PRR36: variants seen among roughly 807,000 people sequenced by gnomAD.
PRR36 encodes proline rich 36, also known as proline-rich protein 36.
PRR36 carries 30 observed loss-of-function variants against 58.6 expected under a neutral mutation model. The ratio of observed to expected loss-of-function variants is 0.51; its 90% confidence interval spans 0.38 to 0.69. PRR36 has a LOEUF of 0.69. Ranked by LOEUF, PRR36 falls within the 30% of genes least tolerant of loss-of-function variation. The pLI is 0.00. For synonymous variants in PRR36, 771 were observed against 829.3 expected (o/e 0.93, Z 1.21); for missense variants, 1,692 against 1,805.6 (o/e 0.94, Z 1.14).
In PRR36 at chr19:7,871,560, G is replaced by T; in HGVS notation, c.1684C>A (p.Pro562Thr). 6.5e-7 allele frequency: 1 copy of T among 1,535,476 alleles called. No homozygotes were observed. The highest frequency in any genetic ancestry group is 8.7e-7 in the Non-Finnish European group (1 of 1,146,746). Residue 562 changes from proline (P) to threonine (T), a missense_variant, in exon 5 of 6, where the codon CCG becomes ACG. Pro to Thr is a conservative substitution (Grantham distance 38, BLOSUM62 -1). Around this residue, in one of 5 missense-constraint regions of PRR36, gnomAD observed 975 missense variants for 955.2 expected, o/e 1.02. Coordinates refer to ENST00000618550, the MANE Select transcript of PRR36 (RefSeq NM_001190467.2). ...SLLASPPLQAPPHPQAPPSMT... is the reference protein window; with the variant it reads ...SLLASPPLQATPHPQAPPSMT... ...GAAGGTGGGGCCTGTGGGTGGGGCG[G>T]AGCCTGCAGAGGCGGTGAGGCCAAA...
rs1980229586 is a variant in PRR36, at chr19:7,868,898, G to T, written c.*135C>A. The T allele has an allele frequency of 9.2e-7, 1 of 1,086,374 alleles. No individual in the cohort carries two copies. Among genetic ancestry groups the T allele is most frequent in the Non-Finnish European group, 1.3e-6 (1 of 796,548 alleles). The allele number at this position is 1,086,374 out of a possible 1,614,324, so 67.3% of individuals were successfully genotyped here. The stretch of plus-strand genomic sequence containing the variant: ...CCGAGCCTCCGAGGCCAAAGGCTCA[G>T]GCTCTAGGGAGCTAAGACTAATCCA... On this transcript the variant is annotated 3_prime_UTR_variant, in exon 6 of 6. Transcript: ENST00000618550.
chr19:7,873,368 T>A lies in PRR36; in HGVS notation c.271+51A>T, dbSNP rs1309306338. On this transcript the variant is annotated intron_variant, in intron 2 of 5. Transcript: ENST00000618550. The surrounding 1 kb of genome is among the most constrained non-coding windows in gnomAD (Gnocchi z 5.0). Reference sequence around the variant, plus strand: ...AGTGGAGGTGAGACTGGACAGGTATTGGAAGGGGGAGGGAAGATGGGGGCG... The same window carrying A: ...AGTGGAGGTGAGACTGGACAGGTATAGGAAGGGGGAGGGAAGATGGGGGCG... The A allele has an allele frequency of 2.0e-6, 3 of 1,515,248 alleles. No individual in the cohort carries two copies. The highest frequency in any genetic ancestry group is 2.6e-6 in the Non-Finnish European group (3 of 1,134,888). The allele number at this position is 1,515,248 out of a possible 1,614,324, so 93.9% of individuals were successfully genotyped here.
At position 7,872,332 on chromosome 19, in the gene PRR36, C is replaced by G; in HGVS notation, c.912G>C (p.Leu304Phe). ...TGGTACCCGATGGAGAGGGTGTGGCCAAAGGAGAGGAAGAAAGCGGTCCTA... is the reference window on the plus strand; with the variant it reads ...TGGTACCCGATGGAGAGGGTGTGGCGAAAGGAGAGGAAGAAAGCGGTCCTA... ...PALGPLSSSP[L>F]ATPSPSGTKA... The change falls in exon 5 of 6, where the codon TTG becomes TTC. Residue 304 changes from leucine (L) to phenylalanine (F), a missense_variant. Leu to Phe is a conservative substitution (Grantham distance 22). Transcript: ENST00000618550. The surrounding 1 kb of genome is among the most constrained non-coding windows in gnomAD (Gnocchi z 6.1). 6.9e-7 allele frequency: 1 copy of G among 1,453,870 alleles called. No individual in the cohort carries two copies. Among genetic ancestry groups the G allele is most frequent in the Non-Finnish European group, 9.0e-7 (1 of 1,109,600 alleles). The allele number at this position is 1,453,870 out of a possible 1,614,324, so 90.1% of individuals were successfully genotyped here. A position where few individuals can be genotyped will look rare whatever the true frequency, so the allele number is the denominator to read the frequency against.
rs1568251596 is a variant in PRR36, at chr19:7,870,716, G to C, written c.2528C>G (p.Ala843Gly). The C allele has an allele frequency of 1.5e-6, 2 of 1,368,880 alleles. No individual in the cohort carries two copies. Among genetic ancestry groups the C allele is most frequent in the Non-Finnish European group, 1.9e-6 (2 of 1,061,212 alleles). The allele number at this position is 1,368,880 out of a possible 1,614,324, so 84.8% of individuals were successfully genotyped here. The change falls in exon 5 of 6, where the codon GCC becomes GGC. Residue 843 changes from alanine to glycine, a missense_variant. Transcript: ENST00000618550. ...LSPLATPPPQ[A>G]PPALALPPLQ... ...AGGAGGCAAGGCCAGGGCAGGTGGG[G>C]CCTGTGGAGGGGGCGTGGCCAAAGG...
rs1309180475 is a variant in PRR36, at chr19:7,871,224, G to A, written c.2020C>T (p.Pro674Ser). The A allele has an allele frequency of 3.9e-6, 6 of 1,534,118 alleles. No homozygotes were observed. The highest frequency in any genetic ancestry group is 5.2e-6 in the Non-Finnish European group (6 of 1,146,314). ...GGTGAGCTTAGGGGTGAGACAGCAG[G>A]AGAGAGAGAAGTCTGCAGAGGGGGT... ...ASPPLQTSLS[P>S]AVSPLSSPLT... Residue 674 changes from proline to serine, a missense_variant, in exon 5 of 6, where the codon CCT becomes TCT. Around this residue, in one of 5 missense-constraint regions of PRR36, gnomAD observed 975 missense variants for 955.2 expected, o/e 1.02. Transcript: ENST00000618550.
Position 7,873,758 on chromosome 19 carries a change from G to A in PRR36, c.-7-62C>T, listed in dbSNP as rs926393230. 8.2e-6 allele frequency: 12 copies of A among 1,461,780 alleles called. No individual in the cohort carries two copies. In the Admixed American group the frequency reaches 2.0e-4, roughly 24 times the overall value. 90.6% of individuals were successfully genotyped at this position (1,461,780 alleles called of 1,614,324 possible). On this transcript the variant is annotated intron_variant, in intron 1 of 5. Transcript: ENST00000618550. This position sits in a 1 kb window ranked among gnomAD's most constrained non-coding sequence, Gnocchi z 5.0. ...ACAGCTACGCCGCCTCCAGAGACCT[G>A]GACCCTGCTACCTCACTGCCCTTTC...
chr19:7,870,616 A>G lies in PRR36; in HGVS notation c.2628T>C (p.Asn876=). 2 of 1,072,080 alleles carry G rather than the reference A, an allele frequency of 1.9e-6. No homozygotes were observed. Among genetic ancestry groups the G allele is most frequent in the Non-Finnish European group, 2.3e-6 (2 of 886,760 alleles). The allele number at this position is 1,072,080 out of a possible 1,614,324, so 66.4% of individuals were successfully genotyped here. ...CCTGCAGAAGGTGCACTGCCAGAGCATTTGGGGCCTGTGGAGAGGGTGTGG... is the reference window on the plus strand; with the variant it reads ...CCTGCAGAAGGTGCACTGCCAGAGCGTTTGGGGCCTGTGGAGAGGGTGTGG... ...PLATPSPQAP[N]ALAVHLLQAP... is the part of the protein sequence containing the mutation. Residue 876 remains asparagine (N), a synonymous_variant, in exon 5 of 6, where the codon AAT becomes AAC. Coordinates refer to ENST00000618550, the MANE Select transcript of PRR36 (RefSeq NM_001190467.2).
chr19:7,868,978 G>A lies in PRR36; in HGVS notation c.*55C>T, dbSNP rs1446868518. 4.1e-6 allele frequency: 6 copies of A among 1,454,112 alleles called. No homozygotes were observed. The East Asian group carries it at 8.1e-5, about 20-fold the overall frequency. The allele number at this position is 1,454,112 out of a possible 1,614,324, so 90.1% of individuals were successfully genotyped here. On this transcript the variant is annotated 3_prime_UTR_variant, in exon 6 of 6. Transcript: ENST00000618550. ...GGGTCTAAAACAAACGGCGTACCCGGAGGGGCGGATCCTAAGGCAGGGGTG... is the reference window on the plus strand; with the variant it reads ...GGGTCTAAAACAAACGGCGTACCCGAAGGGGCGGATCCTAAGGCAGGGGTG...
intron 5 of PRR36, 67 bp downstream of exon 5, chr19:7,869,648 C>T (rs1024627387): frequency 1.4e-6 from 2 of 1,403,468 alleles, no homozygotes; most frequent in Non-Finnish European, 1.9e-6. Context: ...AGCTGTCCCG[C>T]CCCTGAGCTG....
Position 7,873,749 on chromosome 19 carries a change from C to A in PRR36, c.-7-53G>T, listed in dbSNP as rs1332792975. On this transcript the variant is annotated intron_variant, in intron 1 of 5. Coordinates refer to ENST00000618550, the MANE Select transcript of PRR36 (RefSeq NM_001190467.2). The surrounding 1 kb of genome is among the most constrained non-coding windows in gnomAD (Gnocchi z 5.0). ...AGGTTCTGGACAGCTACGCCGCCTC[C>A]AGAGACCTGGACCCTGCTACCTCAC... The A allele has an allele frequency of 2.0e-6, 3 of 1,494,218 alleles. No individual in the cohort carries two copies. The highest frequency in any genetic ancestry group is 2.8e-5 in the African/African-American group (2 of 71,824). The allele number at this position is 1,494,218 out of a possible 1,614,324, so 92.6% of individuals were successfully genotyped here.
chr19:7,869,583 A>G, intron 5 of PRR36, 39 bp from the exon 6 acceptor site: 1 of 1,504,718 alleles, frequency 6.6e-7, no homozygotes, highest in Non-Finnish European at 8.8e-7. Flanking sequence ...GGGGGTGATA[A>G]GCCCCGCCCC....
chr19:7,872,189 G>A lies in PRR36; in HGVS notation c.1055C>T (p.Thr352Ile), dbSNP rs1427382883. Residue 352 changes from threonine (T) to isoleucine (I), a missense_variant, in exon 5 of 6, where the codon ACC (threonine) becomes ATC (isoleucine). Coordinates refer to ENST00000618550, the MANE Select transcript of PRR36 (RefSeq NM_001190467.2). This position sits in a 1 kb window ranked among gnomAD's most constrained non-coding sequence, Gnocchi z 6.1. ...PAALQSQAPPTLPATPHSSSL... is the reference protein window; with the variant it reads ...PAALQSQAPPILPATPHSSSL... ...CGACGAGTGGGGCGTGGCCGGCAGG[G>A]TGGGCGGGGCCTGACTTTGGAGAGC... The A allele has an allele frequency of 6.8e-7, 1 of 1,462,192 alleles. No homozygotes were observed. The highest frequency in any genetic ancestry group is 9.0e-7 in the Non-Finnish European group (1 of 1,110,040). 90.6% of individuals were successfully genotyped at this position (1,462,192 alleles called of 1,614,324 possible).
chr19:7,873,221 G>A lies in PRR36; in HGVS notation c.350C>T (p.Pro117Leu), dbSNP rs994645806. Residue 117 changes from proline (P) to leucine (L), a missense_variant, in exon 3 of 6, where the codon CCA (proline) becomes CTA (leucine). Around this residue, in one of 5 missense-constraint regions of PRR36, gnomAD observed 975 missense variants for 955.2 expected, o/e 1.02. Coordinates refer to ENST00000618550, the MANE Select transcript of PRR36 (RefSeq NM_001190467.2). The surrounding 1 kb of genome is among the most constrained non-coding windows in gnomAD (Gnocchi z 5.0). ...CCTGGTGGTCCCGCTGGCACGCCCT[G>A]GGCTAGAAACAGGGCCTGGGCTGGT... The part of the protein sequence containing the change: ...KNTSPGPVSS[P>L]GRASGTTRPG... The A allele has an allele frequency of 1.6e-5, 24 of 1,535,916 alleles. No individual in the cohort carries two copies. In the Admixed American group the frequency reaches 3.9e-4, roughly 25 times the overall value.
At position 7,871,211 on chromosome 19, in the gene PRR36, G is replaced by A. The variant is rs1261260457; in HGVS notation, c.2033C>T (p.Pro678Leu). Residue 678 changes from proline to leucine, a missense_variant, in exon 5 of 6, where the codon CCC becomes CTC. Coordinates refer to ENST00000618550, the MANE Select transcript of PRR36 (RefSeq NM_001190467.2). ...LQTSLSPAVS[P>L]LSSPLTIHPL... ...GTGTATGGTCAGGGGTGAGCTTAGG[G>A]GTGAGACAGCAGGAGAGAGAGAAGT... 6.5e-7 allele frequency: 1 copy of A among 1,534,712 alleles called. No homozygotes were observed. The highest frequency in any genetic ancestry group is 2.4e-5 in the East Asian group (1 of 40,846).
Position 7,873,478 on chromosome 19 carries a change from G to A in PRR36, c.212C>T (p.Pro71Leu). 6.5e-7 allele frequency: 1 copy of A among 1,535,336 alleles called. No homozygotes were observed. Among genetic ancestry groups the A allele is most frequent in the Non-Finnish European group, 8.7e-7 (1 of 1,146,804 alleles). ...RAGGIGGATIPESAPRAGPTR... is the reference protein window; with the variant it reads ...RAGGIGGATILESAPRAGPTR... ...TGGTCCCGCTCGGGGAGCAGACTCG[G>A]GAATAGTGGCCCCGCCGATGCCCCC... The change falls in exon 2 of 6, where the codon CCC becomes CTC. Residue 71 changes from proline (P) to leucine (L), a missense_variant. Around this residue, in one of 5 missense-constraint regions of PRR36, gnomAD observed 975 missense variants for 955.2 expected, o/e 1.02. Transcript: ENST00000618550. The surrounding 1 kb of genome is among the most constrained non-coding windows in gnomAD (Gnocchi z 5.0).
rs1980549424 is a variant in PRR36, at chr19:7,873,277, C to T, written c.294G>A (p.Gly98=). The T allele has an allele frequency of 6.5e-7, 1 of 1,535,676 alleles. No homozygotes were observed. The highest frequency in any genetic ancestry group is 1.2e-5 in the South Asian group (1 of 83,974). ...TGGCAGGAGGAGCTCTCTCCCCTCT[C>T]CCAGAGGCTGGGGGCCTGGAGGCTG... The part of the protein sequence containing the change: ...RNPASRPPAS[G]RGERAPPAKN... Residue 98 remains glycine (G), a synonymous_variant, in exon 3 of 6, where the codon GGG becomes GGA. Coordinates refer to ENST00000618550, the MANE Select transcript of PRR36 (RefSeq NM_001190467.2). The surrounding 1 kb of genome is among the most constrained non-coding windows in gnomAD (Gnocchi z 5.0).
rs1316179356 is a variant in PRR36, at chr19:7,868,944, G to A, written c.*89C>T. The A allele has an allele frequency of 1.5e-6, 2 of 1,378,430 alleles. No individual in the cohort carries two copies. 85.4% of individuals were successfully genotyped at this position (1,378,430 alleles called of 1,614,324 possible). On this transcript the variant is annotated 3_prime_UTR_variant, in exon 6 of 6. Coordinates refer to ENST00000618550, the MANE Select transcript of PRR36 (RefSeq NM_001190467.2). The stretch of plus-strand genomic sequence containing the variant: ...ATCCACCCAGCGGGGCTCCAGGGCA[G>A]TGGAGGCGGGGTCTAAAACAAACGG...
At position 7,869,378 on chromosome 19, in the gene PRR36, G is replaced by T; in HGVS notation, c.3696C>A (p.Ala1232=). 2.7e-6 allele frequency: 4 copies of T among 1,457,372 alleles called. No individual in the cohort carries two copies. The highest frequency in any genetic ancestry group is 3.6e-6 in the Non-Finnish European group (4 of 1,114,442). The allele number at this position is 1,457,372 out of a possible 1,614,324, so 90.3% of individuals were successfully genotyped here. A position where few individuals can be genotyped will look rare whatever the true frequency, so the allele number is the denominator to read the frequency against. Residue 1232 remains alanine, a synonymous_variant, in exon 6 of 6, where the codon GCC becomes GCA. Coordinates refer to ENST00000618550, the MANE Select transcript of PRR36 (RefSeq NM_001190467.2). ...SGGKAAAGAG[A]GASSRSPKQA... is the part of the protein sequence containing the mutation. ...GCTTCGGGCTCCGCGAGGACGCCCC[G>T]GCCCCGGCCCCAGCCGCCGCCTTCC...
Position 7,873,645 on chromosome 19 carries a change from C to G in PRR36, c.45G>C (p.Arg15=). The stretch of plus-strand genomic sequence containing the variant: ...GTCCAGGAGCGCGAGCAGCCGGCGT[C>G]CGCGCGGCGGCCCCTGCCTTCGCCT... ...RDKAKAGAAA[R]TPAARAPGLL... is the part of the protein sequence containing the mutation. Residue 15 remains arginine (R), a synonymous_variant, in exon 2 of 6, where the codon CGG becomes CGC. Transcript: ENST00000618550. This position sits in a 1 kb window ranked among gnomAD's most constrained non-coding sequence, Gnocchi z 5.0. 6.5e-7 allele frequency: 1 copy of G among 1,535,260 alleles called. No individual in the cohort carries two copies. Among genetic ancestry groups the G allele is most frequent in the South Asian group, 1.2e-5 (1 of 84,034 alleles).
Sources: allele counts gnomAD v4.1 joint callset, GRCh38; gene constraint gnomAD v4.1.1; regional missense constraint gnomAD v4.1.1; non-coding constraint Gnocchi (gnomAD v3.1); transcripts MANE v1.5; gene names NCBI Gene and HGNC (gene_info 2026-07-23, HGNC 2026-07-21).